AHDC1: variants seen among roughly 807,000 people sequenced by gnomAD.
AHDC1 encodes AT-hook DNA binding motif containing 1, also known as transcription factor Gibbin.
AHDC1 carries 7 observed loss-of-function variants against 87.9 expected under a neutral mutation model. The ratio of observed to expected loss-of-function variants is 0.08; its 90% CI spans 0.05 to 0.15. The LOEUF is 0.15. Ranked by LOEUF, AHDC1 falls within the 10% of genes least tolerant of loss-of-function variation. The pLI is 1.00. For synonymous variants in AHDC1, 1,051 were observed against 1,006.8 expected, an observed-to-expected ratio of 1.04 and a Z score of -0.83; for missense variants, 1,841 against 2,253.2, an observed-to-expected ratio of 0.82 and a Z score of 3.70.
intron 3 of AHDC1, among the ~76,000 whole-genome samples, chr1:27,591,152 C>T (rs1301074817): frequency 6.6e-6 from 1 of 152,206 alleles, no homozygotes; most frequent in Non-Finnish European, 1.5e-5. Context: ...GCACAACTGA[C>T]ACTAGGGGCT....
intron 3 of AHDC1, among the ~76,000 whole-genome samples, chr1:27,594,825 A>ATG (rs2089322547): frequency 6.6e-6 from 1 of 152,108 alleles, no homozygotes; most frequent in Non-Finnish European, 1.5e-5. Context: ...TAGGCGGGGT[A>ATG]TGTGACAGGG....
intron 8 of AHDC1, among the ~76,000 whole-genome samples, chr1:27,538,400 C>CAAAAAAAAAAAACAAAAAAAAA (rs2018744831): frequency 1.6e-5 from 1 of 60,704 alleles, no homozygotes; most frequent in Non-Finnish European, 3.6e-5. Flanking sequence ...AAGACTGTCT[C>CAAAAAAAAAAAACAAAAAAAAA]AAAAAAAAAA....
Position 27,561,320 on chromosome 1 carries a change from A to C in AHDC1, c.-628-2437T>G, listed in dbSNP as rs531673264. 1.3e-5 allele frequency among the ~76,000 whole-genome samples: 2 copies of C among 151,932 alleles called. No homozygotes were observed. Among genetic ancestry groups the C allele is most frequent in the Non-Finnish European group, 2.9e-5 (2 of 68,018 alleles). On this transcript the variant is annotated intron_variant, in intron 3 of 8. Transcript: ENST00000673934. The surrounding 1 kb of genome is among the most constrained non-coding windows in gnomAD (Gnocchi z 4.2). Reference sequence around the variant, plus strand: ...GTGGTGGTGGGTGGGAGGAGTCTGCATGGGGTCTGCCTGGCCCTGAGTGTT... The same window carrying C: ...GTGGTGGTGGGTGGGAGGAGTCTGCCTGGGGTCTGCCTGGCCCTGAGTGTT...
Position 27,550,620 on chromosome 1 carries a change from C to G in AHDC1, c.1496G>C (p.Ser499Thr). Residue 499 changes from serine (S) to threonine (T), a missense_variant, in exon 8 of 9, where the codon AGC becomes ACC. By Grantham distance (58) the Ser-to-Thr change is moderately conservative. Coordinates refer to ENST00000673934, the MANE Select transcript of AHDC1 (RefSeq NM_001371928.1). Reference protein sequence around the residue: ...NKTTYKVSSLSSSLSVEGKEL... With the variant: ...NKTTYKVSSLTSSLSVEGKEL... ...CTTGCCCTCCACGCTCAGGCTGCTG[C>G]TCAAGGAAGACACTTTGTATGTGGT... 1 of 1,613,768 alleles carries G rather than the reference C, an allele frequency of 6.2e-7. No homozygotes were observed. Among genetic ancestry groups the G allele is most frequent in the Non-Finnish European group, 8.5e-7 (1 of 1,180,042 alleles).
chr1:27,560,466 C>T lies in AHDC1; in HGVS notation c.-628-1583G>A, dbSNP rs911357734. ...ATCCTCTGCTGTCCCTGCAGGTTTC[C>T]AATCTCGAGGCCTGTGACTGCAGGC... On this transcript the variant is annotated intron_variant, in intron 3 of 8. Coordinates refer to ENST00000673934, the MANE Select transcript of AHDC1 (RefSeq NM_001371928.1). This position sits in a 1 kb window ranked among gnomAD's most constrained non-coding sequence, Gnocchi z 4.1. Among the ~76,000 whole-genome samples the T allele has an allele frequency of 2.6e-5, 4 of 152,166 alleles. No homozygotes were observed. Among genetic ancestry groups the T allele is most frequent in the African/African-American group, 9.7e-5 (4 of 41,420 alleles).
At position 27,547,527 on chromosome 1, in the gene AHDC1, C is replaced by T; in HGVS notation, c.4589G>A (p.Gly1530Asp). 1 of 1,610,902 alleles carries T rather than the reference C, an allele frequency of 6.2e-7. No individual in the cohort carries two copies. The highest frequency in any genetic ancestry group is 1.1e-5 in the South Asian group (1 of 90,932). Reference protein sequence around the residue: ...EMARPPGPPRGPAAAAAGYGC... With the variant: ...EMARPPGPPRDPAAAAAGYGC... ...ATAGCCAGCAGCGGCTGCAGCAGGGCCACGGGGTGGGCCAGGGGGCCGGGC... is the reference window on the plus strand; with the variant it reads ...ATAGCCAGCAGCGGCTGCAGCAGGGTCACGGGGTGGGCCAGGGGGCCGGGC... Residue 1530 changes from glycine (G) to aspartate (D), a missense_variant, in exon 8 of 9, where the codon GGC becomes GAC. Gly to Asp is a moderately conservative substitution (Grantham distance 94, BLOSUM62 -1). Coordinates refer to ENST00000673934, the MANE Select transcript of AHDC1 (RefSeq NM_001371928.1). The surrounding 1 kb of genome is among the most constrained non-coding windows in gnomAD (Gnocchi z 4.9).
chr1:27,547,263 AG>A lies in AHDC1; in HGVS notation c.*40del. 6.6e-7 allele frequency: 1 copy of A among 1,509,504 alleles called. No individual in the cohort carries two copies. Among genetic ancestry groups the A allele is most frequent in the Non-Finnish European group, 8.9e-7 (1 of 1,129,618 alleles). The allele number at this position is 1,509,504 out of a possible 1,614,324, so 93.5% of individuals were successfully genotyped here. On this transcript the variant is annotated 3_prime_UTR_variant, in exon 8 of 9. Coordinates refer to ENST00000673934, the MANE Select transcript of AHDC1 (RefSeq NM_001371928.1). The surrounding 1 kb of genome is among the most constrained non-coding windows in gnomAD (Gnocchi z 4.9). ...TGCGCCCACATCCCCAGACTCACCC[AG>A]GAACAAAACCTCGCGGTCCAGTCGG...
chr1:27,585,278 AGGAACAAATGAACAAACAAGGACTCTG>A (rs2089021524), intron 3 of AHDC1, among the ~76,000 whole-genome samples: 7 of 150,532 alleles, frequency 4.7e-5, no homozygotes. Context: ...AAAAAAAAGA[AGGAACAAATGAACAAACAAGGACTCTG>A]GATCCTAGCC....
At chr1:27,586,589 T>C (rs1238697235) in intron 3 of AHDC1, among the ~76,000 whole-genome samples, 1 of 152,210 alleles carries the variant, frequency 6.6e-6, no homozygotes, top group Non-Finnish European at 1.5e-5. Flanking sequence ...GGTGAGATGC[T>C]TAAAGGGGCC....
chr1:27,579,210 C>A (rs1027566140), intron 3 of AHDC1, among the ~76,000 whole-genome samples: 1 of 151,874 alleles, frequency 6.6e-6, no homozygotes, highest in Non-Finnish European at 1.5e-5. Flanking sequence ...AACTTTTTAA[C>A]GTTTTTGTAG....
At chr1:27,544,001 T>C (rs1379586087) in intron 8 of AHDC1, among the ~76,000 whole-genome samples, 1 of 150,214 alleles carries the variant, frequency 6.7e-6, no homozygotes, top group Non-Finnish European at 1.5e-5. Flanking sequence ...CTTTTGCAGA[T>C]GGGGAATCAG....
intron 3 of AHDC1, among the ~76,000 whole-genome samples, chr1:27,596,437 G>A (rs1357096676): frequency 6.6e-6 from 1 of 152,110 alleles, no homozygotes; most frequent in East Asian, 1.9e-4. Flanking sequence ...AAGAGAGGAA[G>A]AGGGAGGACA....
rs1182617247 is a variant in AHDC1, at chr1:27,558,861, T to C, written c.-606A>G. The C allele has an allele frequency of 3.8e-5, 15 of 398,252 alleles. No individual in the cohort carries two copies. The highest frequency in any genetic ancestry group is 4.9e-5 in the Non-Finnish European group (11 of 226,022). The allele number at this position is 398,252 out of a possible 1,614,324, so 24.7% of individuals were successfully genotyped here. A position where few individuals can be genotyped will look rare whatever the true frequency, so the allele number is the denominator to read the frequency against. On this transcript the variant is annotated 5_prime_UTR_variant, in exon 4 of 9. Coordinates refer to ENST00000673934, the MANE Select transcript of AHDC1 (RefSeq NM_001371928.1). The surrounding 1 kb of genome is among the most constrained non-coding windows in gnomAD (Gnocchi z 5.6). ...GGGCTCTGGGGTCCAGGCCGATGGGTTGACAATCAGGCAAGCTCCCATCTG... is the reference window on the plus strand; with the variant it reads ...GGGCTCTGGGGTCCAGGCCGATGGGCTGACAATCAGGCAAGCTCCCATCTG...
At chr1:27,538,267 T>C (rs184690244) in intron 8 of AHDC1, among the ~76,000 whole-genome samples, 65 of 151,628 alleles carry the variant, frequency 4.3e-4, no homozygotes, top group Non-Finnish European at 8.7e-4. Context: ...CCAGGTGTGG[T>C]GGCACACACC....
intron 5 of AHDC1, among the ~76,000 whole-genome samples, chr1:27,553,852 G>A (rs1223970208): frequency 6.6e-6 from 1 of 152,136 alleles, no homozygotes; most frequent in African/African-American, 2.4e-5. Context: ...GATCGCTTGA[G>A]TCCAGGAGTT....
chr1:27,572,795 A>G (rs2088577586), intron 3 of AHDC1, among the ~76,000 whole-genome samples: 1 of 152,164 alleles, frequency 6.6e-6, no homozygotes, highest in Admixed American at 6.5e-5. Context: ...TCCCACTGCC[A>G]GCCTCCTTGT....
In AHDC1 at chr1:27,558,690, C is replaced by G; in HGVS notation, c.-451+16G>C. On this transcript the variant is annotated intron_variant, in intron 4 of 8. Coordinates refer to ENST00000673934, the MANE Select transcript of AHDC1 (RefSeq NM_001371928.1). This position sits in a 1 kb window ranked among gnomAD's most constrained non-coding sequence, Gnocchi z 5.6. ...GGTGGCCCAGGCCCAAGCCTGACTT[C>G]CCTGCACACTGTTACCTGAGCAGGC... 2.5e-6 allele frequency: 1 copy of G among 398,638 alleles called. No individual in the cohort carries two copies. The highest frequency in any genetic ancestry group is 4.4e-6 in the Non-Finnish European group (1 of 226,058). 24.7% of individuals were successfully genotyped at this position (398,638 alleles called of 1,614,324 possible).
chr1:27,557,269 C>T (rs573813753), intron 5 of AHDC1, among the ~76,000 whole-genome samples: 12 of 151,758 alleles, frequency 7.9e-5, no homozygotes, highest in African/African-American at 2.9e-4. Context: ...GCTCCGCCCC[C>T]CTCCCCTCCT....
intron 8 of AHDC1, among the ~76,000 whole-genome samples, chr1:27,542,641 A>G (rs140932727): frequency 9.6e-4 from 147 of 152,356 alleles, no homozygotes; most frequent in African/African-American, 3.4e-3. Context: ...ATCAGGTGAC[A>G]TGACTCACCA....
Sources: gnomAD v4.1 joint callset for allele counts (sites outside exome capture counted in the v4.1 genomes callset) on GRCh38, gnomAD v4.1.1 for gene constraint, Gnocchi (gnomAD v3.1) non-coding constraint, MANE v1.5 for transcripts, NCBI Gene and HGNC (gene_info 2026-07-23, HGNC 2026-07-21) for gene names.